OTULIN: variants seen among roughly 807,000 people sequenced by gnomAD.
OTULIN encodes ubiquitin thioesterase otulin.
Under a neutral mutation model 39.6 loss-of-function variants are expected in OTULIN, and 15 were observed. That is an observed-to-expected ratio of 0.38 (90% CI 0.25 to 0.58). The LOEUF (loss-of-function observed/expected upper bound fraction) is 0.58. Among genes scored for constraint, OTULIN ranks in the 20% least tolerant of loss-of-function variants. OTULIN has a pLI of 0.66. For synonymous variants in OTULIN, 156 were observed against 170.3 expected, an observed-to-expected ratio of 0.92 and a Z score of 0.65; for missense variants, 319 against 445.9, an observed-to-expected ratio of 0.72 and a Z score of 2.56.
chr5:14,689,877 C>T (rs1293672443), intron 5 of OTULIN, among the ~76,000 whole-genome samples, 162 bp from the exon 6 acceptor site: 1 of 152,182 alleles, frequency 6.6e-6, no homozygotes, highest in African/African-American at 2.4e-5. Context: ...AGTTTGTGTG[C>T]TTTAAAGTGT....
chr5:14,703,306 C>T (rs984729614), downstream of OTULIN, among the ~76,000 whole-genome samples: 1 of 139,450 alleles, frequency 7.2e-6, no homozygotes, highest in African/African-American at 2.8e-5. Context: ...TGCACCTTAG[C>T]ATTACCTTTA....
At chr5:14,700,717 T>C (rs1362153004), downstream of OTULIN, among the ~76,000 whole-genome samples, 2 of 151,320 alleles carry the variant, frequency 1.3e-5, no homozygotes, top group Non-Finnish European at 2.9e-5. Context: ...TCTTGTGCAT[T>C]TGTCACTGGT....
intron 3 of OTULIN, among the ~76,000 whole-genome samples, chr5:14,679,742 A>G (rs1410130592): frequency 6.6e-6 from 1 of 152,228 alleles, no homozygotes. Context: ...GACCTTAGAA[A>G]AATCTAGCTG....
chr5:14,684,933 C>T (rs1326227153), intron 4 of OTULIN, among the ~76,000 whole-genome samples: 2 of 152,196 alleles, frequency 1.3e-5, no homozygotes. Flanking sequence ...TCCCTCACCT[C>T]CTGTCATCCT....
chr5:14,680,657 A>G (rs1251663673), intron 3 of OTULIN, among the ~76,000 whole-genome samples: 3 of 152,212 alleles, frequency 2.0e-5, no homozygotes, highest in Non-Finnish European at 4.4e-5. Context: ...TTTTCAGGGT[A>G]CGTTTCAGAA....
chr5:14,714,696 A>C, the OTULIN span, among the ~76,000 whole-genome samples: 1 of 152,080 alleles, frequency 6.6e-6, no homozygotes, highest in African/African-American at 2.4e-5. Flanking sequence ...ACCAAAGGAG[A>C]GAGTCAGGAT....
chr5:14,712,848 G>A, the OTULIN span: 1 of 1,579,084 alleles, frequency 6.3e-7, no homozygotes, highest in Non-Finnish European at 8.6e-7. Context: ...GCACCCGGGA[G>A]GAGGCTCCCG....
the OTULIN span, chr5:14,713,773 C>T: frequency 1.3e-6 from 2 of 1,540,732 alleles, no homozygotes; most frequent in African/African-American, 1.4e-5. The surrounding 1 kb of genome is among the most constrained non-coding windows in gnomAD (Gnocchi z 4.4). Flanking sequence ...CTGCCTAGGA[C>T]CCTGGCCTTG....
At chr5:14,691,056 T>C (rs940371228) in intron 6 of OTULIN, among the ~76,000 whole-genome samples, 1 of 152,254 alleles carries the variant, frequency 6.6e-6, no homozygotes, top group Non-Finnish European at 1.5e-5. Context: ...TTGTTAAGTG[T>C]GGAGTTTTAC....
At chr5:14,703,235 G>C (rs1655606755), downstream of OTULIN, among the ~76,000 whole-genome samples, 1 of 148,866 alleles carries the variant, frequency 6.7e-6, no homozygotes, top group African/African-American at 2.5e-5. Context: ...ATATTGTCCA[G>C]GTAAGAAACC....
chr5:14,708,458 T>C, the OTULIN span: 1 of 152,202 alleles, frequency 6.6e-6, no homozygotes, highest in Non-Finnish European at 1.5e-5. Context: ...AATAAATGTT[T>C]TGGGGGAATG....
At chr5:14,705,860 C>G in the OTULIN span, 2 of 152,398 alleles carry the variant, frequency 1.3e-5, no homozygotes, top group African/African-American at 4.8e-5. Flanking sequence ...AACCGTGGGT[C>G]CCTGCATGTT....
the OTULIN span, among the ~76,000 whole-genome samples, chr5:14,715,512 G>A: frequency 4.6e-5 from 7 of 152,156 alleles, no homozygotes; most frequent in Non-Finnish European, 1.0e-4. Context: ...TGGGGAAACC[G>A]ATTTTTGACT....
chr5:14,688,337 G>C (rs982985927), intron 5 of OTULIN, among the ~76,000 whole-genome samples: 2 of 152,114 alleles, frequency 1.3e-5, no homozygotes, highest in African/African-American at 4.8e-5. Flanking sequence ...CAGGGTGTCG[G>C]TGGAGGGTGG....
the OTULIN span, chr5:14,709,122 G>C: frequency 2.6e-5 from 4 of 152,184 alleles, no homozygotes; most frequent in African/African-American, 9.7e-5. Context: ...TCAAACTCCT[G>C]ACCTTAAGTG....
rs886037887 is a variant in OTULIN, at chr5:14,690,175, A to G, written c.731A>G (p.Tyr244Cys). The change falls in exon 6 of 7, where the codon TAT (tyrosine) becomes TGT (cysteine). Residue 244 changes from tyrosine to cysteine, a missense_variant. Physicochemically the swap from Tyr to Cys is radical, Grantham distance 194. Around this residue, in one of 4 missense-constraint regions of OTULIN, gnomAD observed 106 missense variants for 192.8 expected, o/e 0.55. Coordinates refer to ENST00000284274, the MANE Select transcript of OTULIN (RefSeq NM_138348.6). This position sits in a 1 kb window ranked among gnomAD's most constrained non-coding sequence, Gnocchi z 4.5. ...FLMLNRAIEL[Y>C]NDKEKGKEVP... ...ATGCTAAACAGAGCCATTGAACTAT[A>G]TAATGATAAAGAGAAAGGAAAGGAA... 1 of 1,614,214 alleles carries G rather than the reference A, an allele frequency of 6.2e-7. No homozygotes were observed.
chr5:14,687,198 A>G (rs1736407591), intron 4 of OTULIN, among the ~76,000 whole-genome samples: 1 of 152,156 alleles, frequency 6.6e-6, no homozygotes, highest in African/African-American at 2.4e-5. Context: ...CATAGCCTGA[A>G]GGTGGTTGGT....
intron 1 of OTULIN, among the ~76,000 whole-genome samples, chr5:14,671,772 GAAAT>G (rs1276063276): frequency 6.6e-6 from 1 of 152,062 alleles, no homozygotes; most frequent in African/African-American, 2.4e-5. Flanking sequence ...GAGAAAAAAA[GAAAT>G]AAAAATTGAT....
At chr5:14,688,426 A>G (rs975120219) in intron 5 of OTULIN, among the ~76,000 whole-genome samples, 2 of 152,202 alleles carry the variant, frequency 1.3e-5, no homozygotes, top group Non-Finnish European at 2.9e-5. Context: ...CTGTACTCAC[A>G]CATGGTCTGC....
Sources: gnomAD v4.1 joint callset for allele counts (sites outside exome capture counted in the v4.1 genomes callset) on GRCh38, gnomAD v4.1.1 for gene constraint, gnomAD v4.1.1 regional missense constraint, Gnocchi (gnomAD v3.1) non-coding constraint, MANE v1.5 for transcripts, NCBI Gene and HGNC (gene_info 2026-07-23, HGNC 2026-07-21) for gene names.